C9orf72: variants seen among roughly 807,000 people sequenced by gnomAD.
The protein encoded by C9orf72 is C9orf72-SMCR8 complex subunit, also known as guanine nucleotide exchange factor C9orf72.
Under a neutral mutation model 51.6 loss-of-function variants are expected in C9orf72, and 44 were observed. The observed-to-expected ratio is 0.85, with a 90% confidence interval of 0.67 to 1.10. C9orf72 has a LOEUF of 1.10. C9orf72 is among the 50% of genes least tolerant of loss of function. C9orf72 has a pLI of 0.00. For missense variants in C9orf72, 607 were observed against 570.6 expected (o/e 1.06, Z -0.65); for synonymous variants, 213 against 194.2 (o/e 1.10, Z -0.81).
intron 8 of C9orf72, among the ~76,000 whole-genome samples, chr9:27,555,087 G>A (rs556131945): frequency 3.3e-5 from 5 of 152,082 alleles, no homozygotes; most frequent in East Asian, 3.9e-4. Flanking sequence ...ATCAAAAAAC[G>A]GAAAAAATAC....
At chr9:27,549,672 TA>T (rs1470579502) in intron 9 of C9orf72, among the ~76,000 whole-genome samples, 1 of 152,020 alleles carries the variant, frequency 6.6e-6, no homozygotes, top group Non-Finnish European at 1.5e-5. Flanking sequence ...ATTAAGTAGA[TA>T]TTTTTTAAAA....
intron 1 of C9orf72, among the ~76,000 whole-genome samples, chr9:27,573,202 G>C (rs1050572566): frequency 3.3e-5 from 5 of 150,008 alleles, no homozygotes; most frequent in African/African-American, 1.3e-4. Flanking sequence ...CCCATCCCTT[G>C]TCCCTGCGCC....
At position 27,565,550 on chromosome 9, in the gene C9orf72, G is replaced by A; in HGVS notation, c.485C>T (p.Thr162Ile). 6.2e-7 allele frequency: 1 copy of A among 1,606,238 alleles called. No homozygotes were observed. Among genetic ancestry groups the A allele is most frequent in the East Asian group, 2.2e-5 (1 of 44,738 alleles). ...ATATACCTGATCTTCCATTCTCTCT[G>A]TGCCTTCTAAGATAATCTTCTGGAC... is the stretch of plus-strand genomic sequence containing the variant. ...ENVQKIILEGTERMEDQGQSI... is the reference protein window; with the variant it reads ...ENVQKIILEGIERMEDQGQSI... Residue 162 changes from threonine to isoleucine, a missense_variant, in exon 3 of 11, where the codon ACA becomes ATA. Coordinates refer to ENST00000380003, the MANE Select transcript of C9orf72 (RefSeq NM_018325.5).
At chr9:27,559,708 T>C (rs1819294768) in intron 6 of C9orf72, 1 of 152,122 alleles carries the variant, frequency 6.6e-6, no homozygotes. Context: ...AATGTAACTG[T>C]TCATTAATCC....
At chr9:27,551,026 A>G (rs1037511436) in intron 8 of C9orf72, among the ~76,000 whole-genome samples, 3 of 152,140 alleles carry the variant, frequency 2.0e-5, no homozygotes, top group Non-Finnish European at 2.9e-5. Flanking sequence ...CTCATCTTTT[A>G]AAAAAAGTAG....
chr9:27,556,895 C>T, intron 7 of C9orf72, 99 bp from the exon 8 acceptor site: 1 of 798,414 alleles, frequency 1.3e-6, no homozygotes. Flanking sequence ...GCAAATCCAT[C>T]TCTAAAAATT....
chr9:27,565,689 A>T (rs1470960572), intron 2 of C9orf72, 99 bp from the exon 3 acceptor site: 7 of 757,920 alleles, frequency 9.2e-6, no homozygotes, highest in Non-Finnish European at 1.5e-5. Flanking sequence ...TTAGTTCACA[A>T]GAAAAATACT....
Position 27,548,679 on chromosome 9 carries a change from G to A in C9orf72, c.1150-13C>T, listed in dbSNP as rs376801304. ...TCAGCTGAAAGACCTGCAGGGAGAG[G>A]AACCATTTCAACACATAATTTGCTC... On this transcript the variant is annotated splice_polypyrimidine_tract_variant and intron_variant, in intron 9 of 10. Coordinates refer to ENST00000380003, the MANE Select transcript of C9orf72 (RefSeq NM_018325.5). 21 of 1,466,362 alleles carry A rather than the reference G, an allele frequency of 1.4e-5. No individual in the cohort carries two copies. The highest frequency in any genetic ancestry group is 2.3e-5 in the East Asian group (1 of 44,126). 90.8% of individuals were successfully genotyped at this position (1,466,362 alleles called of 1,614,324 possible).
At chr9:27,561,787 A>G (rs1819356523) in intron 4 of C9orf72, 138 bp from the exon 5 acceptor site, 1 of 571,278 alleles carries the variant, frequency 1.8e-6, no homozygotes, top group Admixed American at 3.8e-5. Context: ...GACTCCCCAA[A>G]AAACAATCTC....
chr9:27,555,430 A>G (rs1020456000), intron 8 of C9orf72, among the ~76,000 whole-genome samples: 4 of 152,280 alleles, frequency 2.6e-5, no homozygotes, highest in African/African-American at 9.6e-5. Flanking sequence ...CCTAAGCTCA[A>G]ACTGATTCTG....
In C9orf72 at chr9:27,567,066, A is replaced by G. The variant is rs1393768347; in HGVS notation, c.55T>C (p.Leu19=). ...GCTAATAAAGGTGATTTGCCACTTA[A>G]AGCAATCTCTGTCTTGGCAACAGCT... ...SPAVAKTEIA[L]SGKSPLLAAT... is the part of the protein sequence containing the mutation. Residue 19 remains leucine (L), a synonymous_variant, in exon 2 of 11, where the codon TTA becomes CTA. Transcript: ENST00000380003. 2 of 1,614,006 alleles carry G rather than the reference A, an allele frequency of 1.2e-6. No individual in the cohort carries two copies. Among genetic ancestry groups the G allele is most frequent in the Non-Finnish European group, 1.7e-6 (2 of 1,179,882 alleles).
At chr9:27,557,931 A>C (rs1359551526) in intron 7 of C9orf72, among the ~76,000 whole-genome samples, 1 of 151,798 alleles carries the variant, frequency 6.6e-6, no homozygotes, top group Non-Finnish European at 1.5e-5. Flanking sequence ...TTGAAATAAC[A>C]ATAATAGATT....
rs757329918 is a variant in C9orf72 at position 27,567,161 on chromosome 9, A to G, written c.-41T>C. On this transcript the variant is annotated 5_prime_UTR_variant, in exon 2 of 11. Coordinates refer to ENST00000380003, the MANE Select transcript of C9orf72 (RefSeq NM_018325.5). ...GTCACATTATCCAAATGCTCCGGAG[A>G]TATCTAAACAATGACATATGAAACC... The G allele has an allele frequency of 6.6e-7, 1 of 1,512,622 alleles. No individual in the cohort carries two copies. The highest frequency in any genetic ancestry group is 9.1e-7 in the Non-Finnish European group (1 of 1,099,498). The allele number at this position is 1,512,622 out of a possible 1,614,324, so 93.7% of individuals were successfully genotyped here. A position where few individuals can be genotyped will look rare whatever the true frequency, so the allele number is the denominator to read the frequency against.
Position 27,558,483 on chromosome 9 carries a change from A to C in C9orf72, c.855+8T>G. 1 of 1,454,758 alleles carries C rather than the reference A, an allele frequency of 6.9e-7. No homozygotes were observed. The highest frequency in any genetic ancestry group is 9.5e-7 in the Non-Finnish European group (1 of 1,050,470). The allele number at this position is 1,454,758 out of a possible 1,614,324, so 90.1% of individuals were successfully genotyped here. On this transcript the variant is annotated splice_region_variant and intron_variant, in intron 7 of 10. Coordinates refer to ENST00000380003, the MANE Select transcript of C9orf72 (RefSeq NM_018325.5). ...AGTGGTTTCACTTGTGATAACTAGAAACTATACCTTTAGCAGGCCTTGTAC... is the reference window on the plus strand; with the variant it reads ...AGTGGTTTCACTTGTGATAACTAGACACTATACCTTTAGCAGGCCTTGTAC...
At chr9:27,554,565 C>T in intron 8 of C9orf72, 1 of 398,372 alleles carries the variant, frequency 2.5e-6, no homozygotes, top group East Asian at 3.6e-5. Flanking sequence ...ATCACCTGTA[C>T]ACCAAACCCT....
intron 8 of C9orf72, 67 bp from the exon 9 acceptor site, chr9:27,550,774 CT>C: frequency 1.3e-6 from 1 of 772,234 alleles, no homozygotes; most frequent in Non-Finnish European, 2.1e-6. Context: ...ATAATGCTAC[CT>C]TCCACAATCC....
At chr9:27,550,831 A>G (rs1820891592) in intron 8 of C9orf72, 124 bp from the exon 9 acceptor site, 2 of 506,750 alleles carry the variant, frequency 3.9e-6, no homozygotes, top group East Asian at 3.2e-5. Flanking sequence ...GATATTACAT[A>G]TAAACACATT....
rs757165131 is a variant in C9orf72 at position 27,550,650 on chromosome 9, C to G, written c.1149G>C (p.Gln383His). The change falls in exon 9 of 11, where the codon CAG (glutamine) becomes CAC (histidine). Residue 383 changes from glutamine (Q) to histidine (H), a missense_variant and splice_region_variant. Physicochemically the swap from Gln to His is conservative, Grantham distance 24. Coordinates refer to ENST00000380003, the MANE Select transcript of C9orf72 (RefSeq NM_018325.5). ...RDTLVKAFLD[Q>H]VFQLKPGLSL... ...TGACAATCTCAAGTTCAACATTTAC[C>G]TGATCCAGGAAGGCTTTCACTAGAG... 6 of 1,571,454 alleles carry G rather than the reference C, an allele frequency of 3.8e-6. No homozygotes were observed. Among genetic ancestry groups the G allele is most frequent in the Non-Finnish European group, 5.2e-6 (6 of 1,148,452 alleles).
chr9:27,553,413 T>TA (rs1820947988), intron 8 of C9orf72, among the ~76,000 whole-genome samples: 1 of 152,094 alleles, frequency 6.6e-6, no homozygotes, highest in Non-Finnish European at 1.5e-5. Flanking sequence ...GCCACACACT[T>TA]ACAACCATCT....
Sources: gnomAD v4.1 joint callset for allele counts (sites outside exome capture counted in the v4.1 genomes callset) on GRCh38, gnomAD v4.1.1 for gene constraint, MANE v1.5 for transcripts, NCBI Gene and HGNC (gene_info 2026-07-23, HGNC 2026-07-21) for gene names.